SPIRE1: variants seen among roughly 807,000 people sequenced by gnomAD.
SPIRE1 encodes protein spire homolog 1.
Under a neutral mutation model 94.1 loss-of-function variants are expected in SPIRE1, and 40 were observed. The observed-to-expected ratio is 0.43, with a 90% CI of 0.33 to 0.55. SPIRE1 has a LOEUF of 0.55. Ranked by LOEUF, SPIRE1 falls within the 20% of genes least tolerant of loss-of-function variation. The pLI is 0.06. For missense variants in SPIRE1, 838 were observed against 975.2 expected (o/e 0.86, Z 1.87); for synonymous variants, 376 against 371.7 (o/e 1.01, Z -0.13).
intron 2 of SPIRE1, among the ~76,000 whole-genome samples, chr18:12,614,243 A>G (rs2037222637): frequency 6.6e-6 from 1 of 152,364 alleles, no homozygotes; most frequent in East Asian, 1.9e-4. Context: ...CCTAGGCAAC[A>G]GAGTGAGAAC....
chr18:12,539,134 T>C (rs1028389033), intron 3 of SPIRE1, among the ~76,000 whole-genome samples: 4 of 152,222 alleles, frequency 2.6e-5, no homozygotes, highest in South Asian at 2.1e-4. Context: ...TACCAGGCAC[T>C]GTGGCAGAAA....
intron 6 of SPIRE1, among the ~76,000 whole-genome samples, chr18:12,498,958 C>T (rs1348312286): frequency 6.6e-6 from 1 of 152,072 alleles, no homozygotes; most frequent in Non-Finnish European, 1.5e-5. Flanking sequence ...GAGATGGGGT[C>T]TCACTAAGTT....
chr18:12,531,525 T>A (rs1375790389), intron 4 of SPIRE1, among the ~76,000 whole-genome samples: 3 of 152,146 alleles, frequency 2.0e-5, no homozygotes, highest in African/African-American at 7.2e-5. Context: ...CTGAAGGGTA[T>A]GATGAGGATG....
At chr18:12,550,205 T>C (rs1283437587) in intron 2 of SPIRE1, among the ~76,000 whole-genome samples, 1 of 152,134 alleles carries the variant, frequency 6.6e-6, no homozygotes, top group Non-Finnish European at 1.5e-5. Flanking sequence ...GTGCTCCCTT[T>C]ACAAGCAAAC....
intron 2 of SPIRE1, among the ~76,000 whole-genome samples, chr18:12,623,360 A>G (rs544684968): frequency 1.2e-4 from 18 of 152,064 alleles, no homozygotes; most frequent in Admixed American, 3.9e-4. Flanking sequence ...TCACTGTGTT[A>G]GCCAGGATGG....
chr18:12,622,592 T>C (rs1253897494), intron 2 of SPIRE1, among the ~76,000 whole-genome samples: 1 of 151,520 alleles, frequency 6.6e-6, no homozygotes, highest in Non-Finnish European at 1.5e-5. Context: ...CCGGCTAATT[T>C]TTTGTATTTT....
At chr18:12,578,832 T>G (rs2036179471) in intron 2 of SPIRE1, among the ~76,000 whole-genome samples, 1 of 152,148 alleles carries the variant, frequency 6.6e-6, no homozygotes, top group Non-Finnish European at 1.5e-5. Flanking sequence ...AGGCTATAAA[T>G]ATGTGGAGTT....
At chr18:12,648,545 T>G (rs753381989) in intron 1 of SPIRE1, among the ~76,000 whole-genome samples, 1 of 152,004 alleles carries the variant, frequency 6.6e-6, no homozygotes, top group African/African-American at 2.4e-5. Context: ...ACTAAGGAGA[T>G]ATGATGACTA....
chr18:12,541,355 T>C (rs1032261039), intron 3 of SPIRE1, among the ~76,000 whole-genome samples: 2 of 152,226 alleles, frequency 1.3e-5, no homozygotes, highest in African/African-American at 4.8e-5. Flanking sequence ...AGGTTTGTTA[T>C]TCTCATTATC....
chr18:12,578,990 T>C (rs531650267), intron 2 of SPIRE1, among the ~76,000 whole-genome samples: 50 of 152,174 alleles, frequency 3.3e-4, no homozygotes, highest in South Asian at 1.2e-3. Context: ...AAAATCATCA[T>C]AGGAACTTGA....
At chr18:12,603,464 G>T (rs981835743) in intron 2 of SPIRE1, among the ~76,000 whole-genome samples, 3 of 152,120 alleles carry the variant, frequency 2.0e-5, no homozygotes, top group African/African-American at 4.8e-5. Flanking sequence ...GTAGCTTCAG[G>T]ATGGGGCTGG....
intron 12 of SPIRE1, among the ~76,000 whole-genome samples, chr18:12,461,583 G>GCA (rs2031858150): frequency 2.7e-5 from 4 of 147,968 alleles, no homozygotes; most frequent in African/African-American, 5.3e-5. Context: ...ACATACATAT[G>GCA]TATATACATA....
intron 4 of SPIRE1, among the ~76,000 whole-genome samples, chr18:12,533,983 TCA>T (rs2034768015): frequency 6.6e-6 from 1 of 150,942 alleles, no homozygotes; most frequent in Non-Finnish European, 1.5e-5. Context: ...TATTTATTCT[TCA>T]CAGAGGGTTC....
intron 2 of SPIRE1, among the ~76,000 whole-genome samples, chr18:12,613,971 T>C (rs890991669): frequency 6.7e-6 from 1 of 149,938 alleles, no homozygotes; most frequent in Non-Finnish European, 1.5e-5. Context: ...ATAAAATATA[T>C]TATGAGGGCA....
rs1396014042 is a variant in SPIRE1, at chr18:12,448,863, C to T, written c.*775G>A. 6.6e-6 allele frequency: 1 copy of T among 152,492 alleles called. No individual in the cohort carries two copies. Among genetic ancestry groups the T allele is most frequent in the Non-Finnish European group, 1.5e-5 (1 of 68,046 alleles). The allele number at this position is 152,492 out of a possible 1,614,324, so 9.4% of individuals were successfully genotyped here. On this transcript the variant is annotated 3_prime_UTR_variant, in exon 17 of 17. Transcript: ENST00000409402. This position sits in a 1 kb window ranked among gnomAD's most constrained non-coding sequence, Gnocchi z 4.4. ...TGACAAACTTTTAGCCTTCCTTTGT[C>T]CTGAAACTCCCACACAACTTTAATT...
chr18:12,476,117 AACT>A (rs1199222052), intron 10 of SPIRE1, among the ~76,000 whole-genome samples: 41 of 152,254 alleles, frequency 2.7e-4, no homozygotes, highest in African/African-American at 8.7e-4. Context: ...TATTAAAGAG[AACT>A]ACTGTCTCAT....
At chr18:12,514,313 C>T (rs1878545817) in intron 4 of SPIRE1, among the ~76,000 whole-genome samples, 2 of 152,188 alleles carry the variant, frequency 1.3e-5, no homozygotes, top group African/African-American at 4.8e-5. Context: ...TTCCAAGCCC[C>T]ATCCCCAGCT....
chr18:12,622,623 T>A (rs9949925), intron 2 of SPIRE1, among the ~76,000 whole-genome samples: 1 of 149,204 alleles, frequency 6.7e-6, no homozygotes. Context: ...AGGGTTTCAC[T>A]GTGTTAGCCA....
At chr18:12,544,651 C>T (rs2035108628) in intron 3 of SPIRE1, among the ~76,000 whole-genome samples, 1 of 152,098 alleles carries the variant, frequency 6.6e-6, no homozygotes, top group Admixed American at 6.5e-5. Flanking sequence ...AGCCAAAAAC[C>T]TGTCCTCGTA....
Sources: allele counts gnomAD v4.1 joint callset (sites outside exome capture counted in the v4.1 genomes callset), GRCh38; gene constraint gnomAD v4.1.1; non-coding constraint Gnocchi (gnomAD v3.1); transcripts MANE v1.5; gene names NCBI Gene and HGNC (gene_info 2026-07-23, HGNC 2026-07-21).